SAMD8: variants seen among roughly 807,000 people sequenced by gnomAD.
SAMD8 encodes sphingomyelin synthase-related protein 1.
A neutral mutation model predicts 42.0 loss-of-function variants in SAMD8; 20 were observed. The ratio of observed to expected loss-of-function variants is 0.48; its 90% CI spans 0.34 to 0.69. The LOEUF (loss-of-function observed/expected upper bound fraction) is 0.69, where lower values mean the gene tolerates loss of function less well. SAMD8 is among the 30% of genes least tolerant of loss of function. The pLI is 0.01. For synonymous variants in SAMD8, 162 were observed against 173.0 expected (o/e 0.94, Z 0.50); for missense variants, 328 against 511.6 (o/e 0.64, Z 3.46).
chr10:75,110,173 A>G (rs1848730807), upstream of SAMD8, among the ~76,000 whole-genome samples: 1 of 152,156 alleles, frequency 6.6e-6, no homozygotes, highest in African/African-American at 2.4e-5. Flanking sequence ...TTCTCAGAAG[A>G]GAAGGCTGAA....
At chr10:75,108,088 G>T (rs569186652), upstream of SAMD8, 1 of 1,613,768 alleles carries the variant, frequency 6.2e-7, no homozygotes, top group Admixed American at 1.7e-5. Flanking sequence ...GGCACCCCCA[G>T]GTAGCTCACA....
At chr10:75,151,896 C>A (rs1185794192) in intron 2 of SAMD8, among the ~76,000 whole-genome samples, 1 of 152,054 alleles carries the variant, frequency 6.6e-6, no homozygotes, top group South Asian at 2.1e-4. Flanking sequence ...ACCATATTGG[C>A]CAGACTGGTC....
At chr10:75,113,060 T>A (rs577628447) in intron 1 of SAMD8, among the ~76,000 whole-genome samples, 1 of 152,202 alleles carries the variant, frequency 6.6e-6, no homozygotes. Context: ...GTGAATAGTA[T>A]TTTTAGTAGA....
intron 3 of SAMD8, among the ~76,000 whole-genome samples, chr10:75,165,242 A>G (rs1263468860): frequency 2.6e-5 from 4 of 152,128 alleles, no homozygotes; most frequent in African/African-American, 9.7e-5. Context: ...GTGAGCTGAG[A>G]TAAGAAAGCC....
At chr10:75,137,537 C>A (rs1192217518) in intron 1 of SAMD8, among the ~76,000 whole-genome samples, 2 of 146,144 alleles carry the variant, frequency 1.4e-5, no homozygotes, top group Non-Finnish European at 1.5e-5. Flanking sequence ...GAGACTCCGT[C>A]TCAAAAAAAA....
intron 1 of SAMD8, among the ~76,000 whole-genome samples, chr10:75,133,126 T>G (rs1272987947): frequency 6.6e-6 from 1 of 152,026 alleles, no homozygotes; most frequent in Admixed American, 6.6e-5. Context: ...AGAGGCTGGG[T>G]GTGGTGACTC....
intron 1 of SAMD8, among the ~76,000 whole-genome samples, chr10:75,146,419 G>A (rs904692617): frequency 6.6e-6 from 1 of 151,622 alleles, no homozygotes; most frequent in Non-Finnish European, 1.5e-5. Flanking sequence ...CAAGTAGCTG[G>A]GATTACAGGC....
At chr10:75,162,661 A>C (rs986846818) in intron 2 of SAMD8, among the ~76,000 whole-genome samples, 1 of 151,902 alleles carries the variant, frequency 6.6e-6, no homozygotes, top group African/African-American at 2.4e-5. Context: ...AAAAAAAAAA[A>C]AAAAAAAAAC....
intron 2 of SAMD8, among the ~76,000 whole-genome samples, chr10:75,155,626 G>A (rs2132178260): frequency 6.6e-6 from 1 of 152,280 alleles, no homozygotes; most frequent in Middle Eastern, 3.4e-3. Flanking sequence ...AATAGGTTCA[G>A]GAGAGAATGT....
intron 2 of SAMD8, among the ~76,000 whole-genome samples, chr10:75,151,940 C>T (rs1840298133): frequency 1.3e-5 from 2 of 152,042 alleles, no homozygotes; most frequent in African/African-American, 2.4e-5. Context: ...CCGCCTACCT[C>T]GGCCTCCCAA....
intron 2 of SAMD8, among the ~76,000 whole-genome samples, chr10:75,156,473 A>G (rs1246799390): frequency 2.0e-5 from 3 of 152,118 alleles, no homozygotes; most frequent in Non-Finnish European, 4.4e-5. Context: ...GTTTCATCTC[A>G]CCTATTACTT....
chr10:75,170,171 A>G (rs1840815693), intron 4 of SAMD8, among the ~76,000 whole-genome samples: 1 of 152,210 alleles, frequency 6.6e-6, no homozygotes, highest in Admixed American at 6.5e-5. Flanking sequence ...CAAATTTGCA[A>G]AGAATTTTGT....
At chr10:75,156,594 A>G (rs1206133142) in intron 2 of SAMD8, among the ~76,000 whole-genome samples, 2 of 152,068 alleles carry the variant, frequency 1.3e-5, no homozygotes, top group South Asian at 2.1e-4. Context: ...CATTATGTGC[A>G]TTGGACGTGA....
chr10:75,114,025 C>T (rs915395189), intron 1 of SAMD8, among the ~76,000 whole-genome samples: 1 of 152,162 alleles, frequency 6.6e-6, no homozygotes, highest in Non-Finnish European at 1.5e-5. Context: ...TCAGTTCTCA[C>T]ACCCATTGAA....
chr10:75,111,680 C>G lies in SAMD8; in HGVS notation c.-58C>G, dbSNP rs933225983. ...CGGACTCCGACGGCGGCTCGGACGC[C>G]GACTCGGAGGTGGGTCCGGGGAGCC... is the stretch of plus-strand genomic sequence containing the variant. On this transcript the variant is annotated 5_prime_UTR_variant, in exon 1 of 6. Transcript: ENST00000542569. 3.2e-6 allele frequency: 4 copies of G among 1,239,094 alleles called. No individual in the cohort carries two copies. The African/African-American group carries it at 4.7e-5, about 14-fold the overall frequency. 76.8% of individuals were successfully genotyped at this position (1,239,094 alleles called of 1,614,324 possible). A position where few individuals can be genotyped will look rare whatever the true frequency, so the allele number is the denominator to read the frequency against.
chr10:75,141,762 C>A (rs892347933), intron 1 of SAMD8, among the ~76,000 whole-genome samples: 1 of 151,294 alleles, frequency 6.6e-6, no homozygotes, highest in Non-Finnish European at 1.5e-5. Flanking sequence ...AGGATGGTCT[C>A]GATCTCCTGA....
chr10:75,169,465 G>A (rs1026404451), intron 4 of SAMD8, among the ~76,000 whole-genome samples: 1 of 149,074 alleles, frequency 6.7e-6, no homozygotes, highest in Non-Finnish European at 1.5e-5. Flanking sequence ...CTGGGCAACA[G>A]AGCAAGACTC....
chr10:75,166,184 G>A (rs1006413677), intron 3 of SAMD8, among the ~76,000 whole-genome samples: 2 of 151,936 alleles, frequency 1.3e-5, no homozygotes, highest in Non-Finnish European at 2.9e-5. Context: ...CACAGGCAGT[G>A]TACCCAGAGT....
chr10:75,159,056 TC>T (rs1439961862), intron 2 of SAMD8, among the ~76,000 whole-genome samples: 1 of 136,332 alleles, frequency 7.3e-6, no homozygotes, highest in Non-Finnish European at 1.5e-5. Context: ...AATTTTTTTT[TC>T]TTTTTCTTTT....
Sources: gnomAD v4.1 joint callset for allele counts (sites outside exome capture counted in the v4.1 genomes callset) on GRCh38, gnomAD v4.1.1 for gene constraint, MANE v1.5 for transcripts, NCBI Gene and HGNC (gene_info 2026-07-23, HGNC 2026-07-21) for gene names.